CUL4A: variants seen among roughly 807,000 people sequenced by gnomAD.
CUL4A encodes cullin 4A.
In CUL4A, 16 loss-of-function variants were observed where a neutral mutation model predicts 95.5. The ratio of observed to expected loss-of-function variants is 0.17; its 90% CI spans 0.11 to 0.25. CUL4A has a LOEUF of 0.25. Ranked by LOEUF, CUL4A falls within the 10% of genes least tolerant of loss-of-function variation. CUL4A has a pLI of 1.00. For missense variants in CUL4A, 610 were observed against 937.0 expected, an observed-to-expected ratio of 0.65 and a Z score of 4.56; for synonymous variants, 380 against 353.1, an observed-to-expected ratio of 1.08 and a Z score of -0.85.
At chr13:113,262,853 CGG>C (rs2042320817) in intron 19 of CUL4A, 1 of 133,200 alleles carries the variant, frequency 7.5e-6, no homozygotes, top group African/African-American at 2.8e-5. Flanking sequence ...TGGCAGATGT[CGG>C]ATCTGCCTCG....
intron 2 of CUL4A, among the ~76,000 whole-genome samples, chr13:113,213,824 C>T (rs1264691099): frequency 6.6e-6 from 1 of 152,220 alleles, no homozygotes; most frequent in Admixed American, 6.5e-5. Flanking sequence ...GGTGCTGCCC[C>T]ACCAGGGGAT....
intron 18 of CUL4A, among the ~76,000 whole-genome samples, chr13:113,258,426 C>G (rs778001334): frequency 6.6e-6 from 1 of 152,140 alleles, no homozygotes; most frequent in South Asian, 2.1e-4. Context: ...ATTTACAGAG[C>G]TTTTATCTTT....
At position 113,233,912 on chromosome 13, in the gene CUL4A, T is replaced by C; in HGVS notation, c.691T>C (p.Phe231Leu). ...LSDLQVYKDS[F>L]ELKFLEETNC... ...TGTTTCTTAGGTGTATAAAGATTCA[T>C]TTGAACTGAAATTTTTGGAAGAGAC... The change falls in exon 7 of 20, where the codon TTT becomes CTT. Residue 231 changes from phenylalanine to leucine, a missense_variant. Physicochemically the swap from Phe to Leu is conservative, Grantham distance 22 (BLOSUM62 0). Transcript: ENST00000375440. 6.3e-7 allele frequency: 1 copy of C among 1,598,538 alleles called. No individual in the cohort carries two copies. Among genetic ancestry groups the C allele is most frequent in the Non-Finnish European group, 8.6e-7 (1 of 1,166,408 alleles).
intron 2 of CUL4A, among the ~76,000 whole-genome samples, chr13:113,217,680 G>A (rs1248711566): frequency 6.6e-6 from 1 of 152,084 alleles, no homozygotes; most frequent in African/African-American, 2.4e-5. Flanking sequence ...TTTCCTAGGG[G>A]TATATTGTAT....
intron 10 of CUL4A, 27 bp from the exon 11 acceptor site, chr13:113,242,941 T>A (rs2041760598): frequency 6.4e-7 from 1 of 1,573,926 alleles, no homozygotes; most frequent in African/African-American, 1.3e-5. Flanking sequence ...AACATGTTGC[T>A]GAGTTGGTAT....
chr13:113,244,857 CTT>C, intron 12 of CUL4A, 90 bp from the exon 13 acceptor site: 1 of 767,728 alleles, frequency 1.3e-6, no homozygotes, highest in Non-Finnish European at 2.1e-6. Context: ...AAAAAAAACA[CTT>C]TTAAGGGTTT....
intron 13 of CUL4A, 44 bp downstream of exon 13, chr13:113,245,103 G>GAACC: frequency 6.2e-7 from 1 of 1,609,938 alleles, no homozygotes; most frequent in South Asian, 1.1e-5. Flanking sequence ...ACTGAGGGTT[G>GAACC]CTGCCCCGTG....
At chr13:113,219,439 T>A (rs1179208680) in intron 3 of CUL4A, 2 of 168,472 alleles carry the variant, frequency 1.2e-5, no homozygotes, top group African/African-American at 4.8e-5. Context: ...CAGGCAGGAT[T>A]CAGTGGATTC....
At chr13:113,225,771 A>G (rs1431277101) in intron 3 of CUL4A, among the ~76,000 whole-genome samples, 7 of 152,236 alleles carry the variant, frequency 4.6e-5, no homozygotes, top group Non-Finnish European at 2.9e-5. Context: ...AAGCCTGTCC[A>G]GATGCACTTG....
chr13:113,245,253 T>C lies in CUL4A; in HGVS notation c.1530+16T>C, dbSNP rs1178008365. 6.2e-7 allele frequency: 1 copy of C among 1,612,196 alleles called. No individual in the cohort carries two copies. Among genetic ancestry groups the C allele is most frequent in the Admixed American group, 1.7e-5 (1 of 60,014 alleles). On this transcript the variant is annotated intron_variant, in intron 14 of 19. Transcript: ENST00000375440. Reference sequence around the variant, plus strand: ...TTTCAAGCAGGTGAGTTGTGTTTCTTAGGTAAAGCGGCTTTTTAAAAAGTA... The same window carrying C: ...TTTCAAGCAGGTGAGTTGTGTTTCTCAGGTAAAGCGGCTTTTTAAAAAGTA...
At chr13:113,220,892 G>A (rs1444699631) in intron 3 of CUL4A, among the ~76,000 whole-genome samples, 1 of 152,202 alleles carries the variant, frequency 6.6e-6, no homozygotes, top group South Asian at 2.1e-4. Flanking sequence ...CCCTGGTGCA[G>A]TGGCAAAACT....
At chr13:113,244,009 G>T (rs1048154969) in intron 11 of CUL4A, among the ~76,000 whole-genome samples, 1 of 146,936 alleles carries the variant, frequency 6.8e-6, no homozygotes, top group Non-Finnish European at 1.5e-5. Flanking sequence ...TTGCCACCTT[G>T]GATGCTCTGA....
intron 9 of CUL4A, among the ~76,000 whole-genome samples, chr13:113,238,028 A>G (rs1458188682): frequency 1.3e-5 from 2 of 152,200 alleles, no homozygotes; most frequent in African/African-American, 4.8e-5. Context: ...TCACGGGTCC[A>G]ATCTGGTTAT....
Position 113,236,769 on chromosome 13 carries a change from C to T in CUL4A, c.849-54C>T. ...AAATGCCCCCATCTTTTGCAGAGAA[C>T]CAGTCTCTTCTTTAAACTTTACTTC... On this transcript the variant is annotated intron_variant, in intron 8 of 19. Coordinates refer to ENST00000375440, the MANE Select transcript of CUL4A (RefSeq NM_001008895.4). 2.5e-6 allele frequency: 3 copies of T among 1,203,892 alleles called. No individual in the cohort carries two copies. The South Asian group carries it at 3.9e-5, about 16-fold the overall frequency. 74.6% of individuals were successfully genotyped at this position (1,203,892 alleles called of 1,614,324 possible).
chr13:113,243,992 C>T (rs2041791941), intron 11 of CUL4A, among the ~76,000 whole-genome samples: 1 of 151,560 alleles, frequency 6.6e-6, no homozygotes, highest in African/African-American at 2.4e-5. Flanking sequence ...AATGCTTTCA[C>T]CCTGCGTTGC....
chr13:113,249,077 C>T (rs2041927051), intron 15 of CUL4A, among the ~76,000 whole-genome samples: 1 of 152,120 alleles, frequency 6.6e-6, no homozygotes, highest in African/African-American at 2.4e-5. Context: ...GCTCCGGACC[C>T]CGGCAGCCAC....
chr13:113,229,686 C>T (rs1359567710), intron 5 of CUL4A, 167 bp downstream of exon 5: 9 of 594,116 alleles, frequency 1.5e-5, no homozygotes, highest in South Asian at 4.3e-5. Flanking sequence ...GGGTCTTAGC[C>T]TTGAAACACC....
chr13:113,260,074 G>A (rs1454145936), intron 18 of CUL4A, among the ~76,000 whole-genome samples: 2 of 150,344 alleles, frequency 1.3e-5, no homozygotes, highest in East Asian at 3.9e-4. Flanking sequence ...CATGGTGGGG[G>A]GGCACCGTAG....
chr13:113,215,953 G>C lies in CUL4A; in HGVS notation c.265-2992G>C, dbSNP rs371890426. ...GTCTCTGTGTGACTATGGAGGTCTC[G>C]TCTGTGTGGCTGTGGAGGTCTTTGG... On this transcript the variant is annotated intron_variant, in intron 2 of 19. Coordinates refer to ENST00000375440, the MANE Select transcript of CUL4A (RefSeq NM_001008895.4). Among the ~76,000 whole-genome samples the C allele has an allele frequency of 2.0e-5, 3 of 149,840 alleles. No individual in the cohort carries two copies. In the East Asian group the frequency reaches 6.0e-4, roughly 30 times the overall value.
Sources: allele counts gnomAD v4.1 joint callset (sites outside exome capture counted in the v4.1 genomes callset), GRCh38; gene constraint gnomAD v4.1.1; transcripts MANE v1.5; gene names NCBI Gene and HGNC (gene_info 2026-07-23, HGNC 2026-07-21).